FAM227B: variants seen among roughly 807,000 people sequenced by gnomAD.
FAM227B encodes family with sequence similarity 227 member B.
FAM227B carries 88 observed loss-of-function variants against 73.8 expected under a neutral mutation model. The observed-to-expected ratio is 1.19, with a 90% CI of 1.00 to 1.42. FAM227B has a LOEUF of 1.42. Among genes scored for constraint, FAM227B ranks in the 40% most tolerant of loss-of-function variants. The probability of loss-of-function intolerance (pLI) is 0.00; values close to 1 mark genes in which losing one functional copy is unlikely to be tolerated. For synonymous variants in FAM227B, 210 were observed against 190.5 expected, an observed-to-expected ratio of 1.10 and a Z score of -0.84; for missense variants, 632 against 590.9, an observed-to-expected ratio of 1.07 and a Z score of -0.72.
intron 9 of FAM227B, among the ~76,000 whole-genome samples, chr15:49,544,422 T>A (rs1168504254): frequency 6.6e-6 from 1 of 151,992 alleles, no homozygotes; most frequent in Non-Finnish European, 1.5e-5. Flanking sequence ...GACTTTAGGG[T>A]TTTCTAGGTA....
chr15:49,609,212 T>C (rs1259800481), intron 3 of FAM227B, among the ~76,000 whole-genome samples: 4 of 151,420 alleles, frequency 2.6e-5, no homozygotes. Flanking sequence ...AAACTAGAAA[T>C]AGAATTGTGA....
intron 11 of FAM227B, among the ~76,000 whole-genome samples, chr15:49,395,280 T>C (rs750907978): frequency 2.0e-5 from 3 of 152,150 alleles, no homozygotes; most frequent in African/African-American, 7.2e-5. Context: ...AGAATAAAGA[T>C]GGTTTAAAAA....
chr15:49,472,664 G>C (rs1470113755), intron 11 of FAM227B, among the ~76,000 whole-genome samples: 1 of 152,142 alleles, frequency 6.6e-6, no homozygotes, highest in East Asian at 1.9e-4. Flanking sequence ...ACATCACAAT[G>C]AATGACATTA....
intron 5 of FAM227B, among the ~76,000 whole-genome samples, chr15:49,585,942 A>C (rs1343332291): frequency 2.6e-5 from 4 of 152,174 alleles, no homozygotes; most frequent in Non-Finnish European, 4.4e-5. Context: ...CGTTAAAATG[A>C]CCATAACTTC....
At chr15:49,553,811 C>T (rs1382966282) in intron 9 of FAM227B, among the ~76,000 whole-genome samples, 1 of 152,144 alleles carries the variant, frequency 6.6e-6, no homozygotes, top group African/African-American at 2.4e-5. Flanking sequence ...TCCTCTCTGG[C>T]CCAGGGCAGG....
intron 11 of FAM227B, among the ~76,000 whole-genome samples, chr15:49,476,650 T>A (rs1178002342): frequency 6.6e-6 from 1 of 152,180 alleles, no homozygotes; most frequent in African/African-American, 2.4e-5. Flanking sequence ...ATAAATAATG[T>A]AAAATGTCGG....
chr15:49,405,012 G>A (rs952036370), intron 11 of FAM227B, among the ~76,000 whole-genome samples: 2 of 152,082 alleles, frequency 1.3e-5, no homozygotes, highest in Non-Finnish European at 2.9e-5. Context: ...CACTTATGGA[G>A]CTAGTTTGAT....
chr15:49,538,860 G>A (rs888544634), intron 10 of FAM227B, among the ~76,000 whole-genome samples: 1 of 151,810 alleles, frequency 6.6e-6, no homozygotes, highest in Non-Finnish European at 1.5e-5. Context: ...CTATTGTTTA[G>A]TTGTCTATCT....
intron 10 of FAM227B, among the ~76,000 whole-genome samples, chr15:49,516,840 A>G (rs2152138727): frequency 6.6e-6 from 1 of 152,278 alleles, no homozygotes; most frequent in Non-Finnish European, 1.5e-5. Context: ...GGGTGATTAT[A>G]TTGTTCAGGC....
intron 8 of FAM227B, among the ~76,000 whole-genome samples, chr15:49,572,809 C>T (rs1224190728): frequency 6.6e-6 from 1 of 152,054 alleles, no homozygotes; most frequent in Non-Finnish European, 1.5e-5. Flanking sequence ...TTTGTTTCTT[C>T]TATGGTCACT....
intron 10 of FAM227B, among the ~76,000 whole-genome samples, chr15:49,523,452 A>T (rs1442955092): frequency 6.6e-6 from 1 of 152,132 alleles, no homozygotes; most frequent in Non-Finnish European, 1.5e-5. Context: ...TTCCACCACG[A>T]TTGTGAGGCC....
chr15:49,424,676 T>G, intron 11 of FAM227B: 1 of 1,037,840 alleles, frequency 9.6e-7, no homozygotes, highest in Middle Eastern at 3.2e-4. Context: ...TTTTGCTTCT[T>G]GGAAAAAAAA....
chr15:49,578,455 A>G (rs1187703195), intron 5 of FAM227B, among the ~76,000 whole-genome samples: 1 of 140,406 alleles, frequency 7.1e-6, no homozygotes, highest in African/African-American at 2.6e-5. Context: ...ATATGTATAC[A>G]TACTATAGAC....
rs535686545 is a variant in FAM227B, at chr15:49,393,263, T to A, written c.1013-21864A>T. On this transcript the variant is annotated intron_variant, in intron 11 of 15. Coordinates refer to ENST00000299338, the MANE Select transcript of FAM227B (RefSeq NM_152647.3). ...TTCATGAGAGTTCAATGTGTTTTCC[T>A]CTTAGTGTAAATGGAGGGTGCTGTG... Among the ~76,000 whole-genome samples, 18 of 152,238 alleles carry A rather than the reference T, an allele frequency of 1.2e-4. No homozygotes were observed. In the South Asian group the frequency reaches 3.5e-3, roughly 30 times the overall value.
At chr15:49,379,434 C>T (rs1335705898) in intron 11 of FAM227B, among the ~76,000 whole-genome samples, 1 of 151,956 alleles carries the variant, frequency 6.6e-6, no homozygotes, top group Non-Finnish European at 1.5e-5. Context: ...TTTTCTTTAC[C>T]AGGAGACTTT....
At chr15:49,378,698 T>C (rs956379207) in intron 11 of FAM227B, among the ~76,000 whole-genome samples, 5 of 152,160 alleles carry the variant, frequency 3.3e-5, no homozygotes, top group Non-Finnish European at 4.4e-5. Context: ...AATAGCTTTC[T>C]TGTGGAGTCT....
chr15:49,327,945 G>T lies in FAM227B; in HGVS notation c.*623C>A, dbSNP rs1302433781. ...AGGTTCTAATATTTTTTTCCTCACT[G>T]TTTTAGGAAGTTTGGGGCTCAAGGG... On this transcript the variant is annotated 3_prime_UTR_variant, in exon 16 of 16. Transcript: ENST00000299338. 5.6e-6 allele frequency: 9 copies of T among 1,603,396 alleles called. No homozygotes were observed. The highest frequency in any genetic ancestry group is 5.1e-5 in the Admixed American group (3 of 58,582).
rs767473202 is a variant in FAM227B at position 49,335,454 on chromosome 15, T to C, written c.1314A>G (p.Lys438=). The C allele has an allele frequency of 6.2e-7, 1 of 1,613,604 alleles. No individual in the cohort carries two copies. The highest frequency in any genetic ancestry group is 1.3e-5 in the African/African-American group (1 of 75,062). ...PTYRDVIKEA[K]RQFARNQKDF... The stretch of plus-strand genomic sequence containing the variant: ...CCTTTTGGTTCCTTGCAAATTGTCT[T>C]TTTGCCTCCTTTATAACATCACGGT... The change falls in exon 14 of 16, where the codon AAA becomes AAG. Residue 438 remains lysine (K), a synonymous_variant. Coordinates refer to ENST00000299338, the MANE Select transcript of FAM227B (RefSeq NM_152647.3).
rs139539356 is a variant in FAM227B at position 49,510,038 on chromosome 15, A to G, written c.875-1690T>C. Among the ~76,000 whole-genome samples the G allele has an allele frequency of 2.6e-5, 4 of 152,236 alleles. No individual in the cohort carries two copies. In the East Asian group the frequency reaches 7.7e-4, roughly 29 times the overall value. Reference sequence around the variant, plus strand: ...GACCATATCTTGCTTCCCAGAAACAACTATCTTTATCTGGGACCCATAACC... The same window carrying G: ...GACCATATCTTGCTTCCCAGAAACAGCTATCTTTATCTGGGACCCATAACC... On this transcript the variant is annotated intron_variant, in intron 10 of 15. Transcript: ENST00000299338.
Sources: allele counts gnomAD v4.1 joint callset (sites outside exome capture counted in the v4.1 genomes callset), GRCh38; gene constraint gnomAD v4.1.1; transcripts MANE v1.5; gene names NCBI Gene and HGNC (gene_info 2026-07-23, HGNC 2026-07-21).